The following MDGA2 variants were observed in gnomAD, a reference collection of about 807,000 sequenced individuals.
The protein encoded by MDGA2 is MAM domain containing glycosylphosphatidylinositol anchor 2.
A neutral mutation model predicts 117.8 loss-of-function variants in MDGA2; 40 were observed. The observed-to-expected ratio is 0.34, with a 90% CI of 0.26 to 0.44. The LOEUF is 0.44. MDGA2 is among the 20% of genes least tolerant of loss of function. The pLI, the probability that MDGA2 is intolerant of heterozygous loss-of-function variation, is 1.00. For missense variants in MDGA2, 1,123 were observed against 1,250.6 expected (o/e 0.90, Z 1.54); for synonymous variants, 452 against 439.0 (o/e 1.03, Z -0.37).
In MDGA2 at chr14:47,360,283, G is replaced by A. The variant is rs1404928724; in HGVS notation, c.281-58733C>T. 9.2e-5 allele frequency among the ~76,000 whole-genome samples: 14 copies of A among 151,728 alleles called. No individual in the cohort carries two copies. The East Asian group carries it at 9.8e-4, about 11-fold the overall frequency. ...GGAGAATTGCTTCAACCTGGGAGGCGGAGGTTGCGGTGAGCCAAGATCGTG... is the reference window on the plus strand; with the variant it reads ...GGAGAATTGCTTCAACCTGGGAGGCAGAGGTTGCGGTGAGCCAAGATCGTG... On this transcript the variant is annotated intron_variant, in intron 1 of 16. Coordinates refer to ENST00000399232, the MANE Select transcript of MDGA2 (RefSeq NM_001113498.3).
intron 15 of MDGA2, among the ~76,000 whole-genome samples, chr14:46,847,172 T>A (rs566729737): frequency 5.9e-5 from 9 of 152,152 alleles, no homozygotes; most frequent in African/African-American, 2.2e-4. Context: ...AGTTGTCAAC[T>A]TTTGTATTGA....
intron 3 of MDGA2, among the ~76,000 whole-genome samples, chr14:47,201,893 G>A (rs1885521657): frequency 6.6e-6 from 1 of 152,004 alleles, no homozygotes. Flanking sequence ...TAATGTATTA[G>A]GTGAAATCCT....
rs187478762 is a variant in MDGA2, at chr14:46,897,888, G to A, written c.2239-15667C>T. Reference sequence around the variant, plus strand: ...CAATCTTTATCTATTTTTGGAAATCGGAAAATTTACCAATATAAATGATAG... The same window carrying A: ...CAATCTTTATCTATTTTTGGAAATCAGAAAATTTACCAATATAAATGATAG... On this transcript the variant is annotated intron_variant, in intron 10 of 16. Coordinates refer to ENST00000399232, the MANE Select transcript of MDGA2 (RefSeq NM_001113498.3). 1.3e-3 allele frequency among the ~76,000 whole-genome samples: 199 copies of A among 151,538 alleles called. 3 individuals carry two copies. Among genetic ancestry groups the A allele is most frequent in the Admixed American group, 1.4e-3 (21 of 15,212 alleles).
In MDGA2 at chr14:47,257,383, G is replaced by A. The variant is rs1594756988; in HGVS notation, c.421-39188C>T. On this transcript the variant is annotated intron_variant, in intron 2 of 16. Transcript: ENST00000399232. ...ATGTGTCACTCCTTTGCCTCCTTTA[G>A]ATTTTTGCTCAAATATCAGCTTCTT... Among the ~76,000 whole-genome samples, 6 of 152,114 alleles carry A rather than the reference G, an allele frequency of 3.9e-5. No homozygotes were observed. The South Asian group carries it at 1.2e-3, about 32-fold the overall frequency.
At chr14:47,351,880 A>G (rs1890889942) in intron 1 of MDGA2, among the ~76,000 whole-genome samples, 1 of 149,926 alleles carries the variant, frequency 6.7e-6, no homozygotes, top group African/African-American at 2.5e-5. Flanking sequence ...GGACTTATAG[A>G]TGTTATATGC....
At chr14:46,935,382 C>T (rs942280649) in intron 9 of MDGA2, among the ~76,000 whole-genome samples, 3 of 152,106 alleles carry the variant, frequency 2.0e-5, no homozygotes, top group Admixed American at 6.6e-5. Context: ...AAGACTCAAT[C>T]CCTAAAGTAT....
intron 8 of MDGA2, among the ~76,000 whole-genome samples, chr14:46,968,298 C>T (rs1886116319): frequency 6.6e-6 from 1 of 152,124 alleles, no homozygotes. Flanking sequence ...TCCACCCTCT[C>T]CAGAGACAGG....
At chr14:47,257,459 T>C (rs190906519) in intron 2 of MDGA2, among the ~76,000 whole-genome samples, 177 of 152,244 alleles carry the variant, frequency 1.2e-3, no homozygotes, top group African/African-American at 4.0e-3. Flanking sequence ...CCTTGACAAC[T>C]TCTTCCAGCT....
At chr14:47,642,843 T>A (rs949527793) in intron 1 of MDGA2, among the ~76,000 whole-genome samples, 2 of 152,098 alleles carry the variant, frequency 1.3e-5, no homozygotes, top group Non-Finnish European at 2.9e-5. Context: ...TAATAACATT[T>A]TAAACAATCC....
At chr14:47,361,773 T>A (rs1030647150) in intron 1 of MDGA2, among the ~76,000 whole-genome samples, 63 of 152,110 alleles carry the variant, frequency 4.1e-4, no homozygotes, top group African/African-American at 1.4e-3. Flanking sequence ...GTTTGGTTGA[T>A]CATTGATCTG....
At chr14:46,977,854 GC>G (rs33931891) in intron 8 of MDGA2, among the ~76,000 whole-genome samples, 75,076 of 151,470 alleles carry the variant, frequency 0.5, 19,257 homozygotes, top group Middle Eastern at 0.59. Flanking sequence ...TGAAAATCTT[GC>G]TGGAGAAATT....
intron 3 of MDGA2, among the ~76,000 whole-genome samples, chr14:47,167,163 C>T (rs968197465): frequency 6.6e-6 from 1 of 151,086 alleles, no homozygotes; most frequent in African/African-American, 2.4e-5. Flanking sequence ...CAGATGTGAC[C>T]ATCCATATTT....
intron 8 of MDGA2, among the ~76,000 whole-genome samples, chr14:47,030,062 G>A (rs893196098): frequency 1.3e-5 from 2 of 151,758 alleles, no homozygotes; most frequent in African/African-American, 2.4e-5. Flanking sequence ...TCTTGACCTC[G>A]TGATCCACCC....
chr14:46,953,317 GA>G (rs60801762), intron 9 of MDGA2, among the ~76,000 whole-genome samples: 12 of 146,864 alleles, frequency 8.2e-5, no homozygotes, highest in South Asian at 6.5e-4. Flanking sequence ...GTTAACTTTT[GA>G]AAAAAAAACA....
intron 1 of MDGA2, among the ~76,000 whole-genome samples, chr14:47,639,978 G>A (rs1213592324): frequency 6.6e-6 from 1 of 152,196 alleles, no homozygotes; most frequent in Non-Finnish European, 1.5e-5. Context: ...AGAATGGAAG[G>A]TAAGTATATA....
intron 8 of MDGA2, among the ~76,000 whole-genome samples, chr14:47,025,086 T>C (rs915856965): frequency 9.2e-5 from 14 of 152,158 alleles, no homozygotes; most frequent in African/African-American, 2.7e-4. Flanking sequence ...TCTTAATATA[T>C]GAAACTATAA....
At chr14:47,601,496 A>G (rs1896647432) in intron 1 of MDGA2, among the ~76,000 whole-genome samples, 1 of 152,206 alleles carries the variant, frequency 6.6e-6, no homozygotes. Context: ...TAAACTATAA[A>G]GGATGCTTAC....
chr14:47,405,403 G>A (rs1186689057), intron 1 of MDGA2, among the ~76,000 whole-genome samples: 1 of 152,050 alleles, frequency 6.6e-6, no homozygotes, highest in Non-Finnish European at 1.5e-5. Flanking sequence ...TGAAAAAGAT[G>A]GTTACATGGT....
intron 9 of MDGA2, among the ~76,000 whole-genome samples, chr14:46,924,072 T>A (rs758434890): frequency 3.3e-5 from 5 of 152,024 alleles, no homozygotes; most frequent in Non-Finnish European, 7.4e-5. Context: ...CTAAATATTT[T>A]CAGATTAACT....
Sources: gnomAD v4.1 joint callset for allele counts (sites outside exome capture counted in the v4.1 genomes callset) on GRCh38, gnomAD v4.1.1 for gene constraint, MANE v1.5 for transcripts, NCBI Gene and HGNC (gene_info 2026-07-23, HGNC 2026-07-21) for gene names.